The following FBN2 variants were observed in gnomAD, a reference collection of about 807,000 sequenced individuals.
The protein encoded by FBN2 is fibrillin 2.
Under a neutral mutation model 355.6 loss-of-function variants are expected in FBN2, and 105 were observed. That is an observed-to-expected ratio of 0.30 (90% CI 0.25 to 0.35). The LOEUF is 0.35. Ranked by LOEUF, FBN2 falls within the 10% of genes least tolerant of loss-of-function variation. The probability of loss-of-function intolerance (pLI) is 1.00; values close to 1 mark genes in which losing one functional copy is unlikely to be tolerated. For missense variants in FBN2, 3,280 were observed against 3,758.7 expected, an observed-to-expected ratio of 0.87 and a Z score of 3.33; for synonymous variants, 1,350 against 1,301.2, an observed-to-expected ratio of 1.04 and a Z score of -0.81.
At chr5:128,276,922 C>T (rs995519491) in intron 58 of FBN2, among the ~76,000 whole-genome samples, 1 of 152,144 alleles carries the variant, frequency 6.6e-6, no homozygotes, top group African/African-American at 2.4e-5. Flanking sequence ...TTTTGTTAGA[C>T]CCTCCTTGAA....
intron 34 of FBN2, among the ~76,000 whole-genome samples, chr5:128,320,088 C>T (rs1750327891): frequency 6.6e-6 from 1 of 152,018 alleles, no homozygotes; most frequent in Non-Finnish European, 1.5e-5. Context: ...GCAAAGGTGT[C>T]TTTTATTGTG....
chr5:128,433,261 T>C (rs1483206308), intron 7 of FBN2, among the ~76,000 whole-genome samples: 2 of 152,194 alleles, frequency 1.3e-5, no homozygotes, highest in South Asian at 2.1e-4. Context: ...GAAACCACTT[T>C]CTAAAAGAAG....
At chr5:128,493,894 T>C (rs1367143586) in intron 5 of FBN2, among the ~76,000 whole-genome samples, 1 of 152,138 alleles carries the variant, frequency 6.6e-6, no homozygotes, top group African/African-American at 2.4e-5. Flanking sequence ...GGTTTTTAGC[T>C]TGGATAACTG....
intron 23 of FBN2, among the ~76,000 whole-genome samples, chr5:128,347,636 C>T (rs1381373009): frequency 2.6e-5 from 4 of 152,310 alleles, no homozygotes; most frequent in African/African-American, 9.6e-5. Flanking sequence ...GAATACTTTA[C>T]ATTTTCATGT....
intron 45 of FBN2, among the ~76,000 whole-genome samples, chr5:128,303,945 G>A (rs1749790758): frequency 6.6e-6 from 1 of 152,088 alleles, no homozygotes; most frequent in Non-Finnish European, 1.5e-5. Flanking sequence ...ATATTCCTTT[G>A]TATAAACATC....
chr5:128,440,150 A>C (rs1232748222), intron 7 of FBN2, among the ~76,000 whole-genome samples: 6 of 152,186 alleles, frequency 3.9e-5, no homozygotes, highest in African/African-American at 1.4e-4. Flanking sequence ...TAGTATCTAA[A>C]ATGTCCTGTT....
At chr5:128,528,349 T>C (rs1756619990) in intron 3 of FBN2, among the ~76,000 whole-genome samples, 1 of 152,148 alleles carries the variant, frequency 6.6e-6, no homozygotes. Flanking sequence ...CTCACAGAGC[T>C]TGAATTCCGA....
chr5:128,324,708 C>G (rs549900385), intron 34 of FBN2, among the ~76,000 whole-genome samples: 1 of 151,526 alleles, frequency 6.6e-6, no homozygotes, highest in East Asian at 1.9e-4. Flanking sequence ...AGCTCTGCCT[C>G]CCGGGTTCAC....
chr5:128,445,818 C>T (rs1754049947), intron 7 of FBN2, among the ~76,000 whole-genome samples: 1 of 152,058 alleles, frequency 6.6e-6, no homozygotes, highest in African/African-American at 2.4e-5. Context: ...AAAAATGATA[C>T]AGGTTTTGAT....
At chr5:128,277,416 A>G (rs1765422582) in intron 58 of FBN2, among the ~76,000 whole-genome samples, 1 of 152,230 alleles carries the variant, frequency 6.6e-6, no homozygotes, top group Non-Finnish European at 1.5e-5. Flanking sequence ...TACTTTATGC[A>G]AAATAATAGC....
At chr5:128,432,088 C>A (rs1753640859) in intron 7 of FBN2, among the ~76,000 whole-genome samples, 1 of 152,152 alleles carries the variant, frequency 6.6e-6, no homozygotes, top group South Asian at 2.1e-4. Context: ...ACCTCCATAC[C>A]TATTGAAATA....
In FBN2 at chr5:128,335,541, T is replaced by C. The variant is rs1750812827; in HGVS notation, c.3761A>G (p.Asp1254Gly). Residue 1254 changes from aspartate to glycine, a missense_variant, in exon 29 of 65, where the codon GAC (aspartate) becomes GGC (glycine). Physicochemically the swap from Asp to Gly is moderately conservative, Grantham distance 94. Around this residue, in one of 6 missense-constraint regions of FBN2, gnomAD observed 2,284 missense variants for 2,749.5 expected, o/e 0.83. Transcript: ENST00000262464. The stretch of plus-strand genomic sequence containing the variant: ...TCCCTCTGAATTTGTGCACTGGGTG[T>C]CACAGCCTCCGTTCATTATCATACA... ...DECMIMNGGC[D>G]TQCTNSEGSY... 1.2e-6 allele frequency: 2 copies of C among 1,614,080 alleles called. No individual in the cohort carries two copies. Among genetic ancestry groups the C allele is most frequent in the Non-Finnish European group, 1.7e-6 (2 of 1,179,908 alleles).
At chr5:128,476,334 G>A (rs1755005281) in intron 5 of FBN2, among the ~76,000 whole-genome samples, 2 of 152,024 alleles carry the variant, frequency 1.3e-5, no homozygotes, top group African/African-American at 4.8e-5. Context: ...ATCAAACAAT[G>A]AAGTCATCAA....
chr5:128,448,264 T>C (rs1372344665), intron 6 of FBN2, among the ~76,000 whole-genome samples: 1 of 152,144 alleles, frequency 6.6e-6, no homozygotes, highest in Non-Finnish European at 1.5e-5. Flanking sequence ...CATTTCTTCT[T>C]TCCTGCCAAT....
chr5:128,523,413 A>G (rs1244876421), intron 4 of FBN2, among the ~76,000 whole-genome samples: 2 of 151,976 alleles, frequency 1.3e-5, no homozygotes, highest in Admixed American at 1.3e-4. Flanking sequence ...CCCATCTCAC[A>G]ATGTTGGGCT....
chr5:128,366,429 A>G lies in FBN2; in HGVS notation c.2250T>C (p.Ala750=). Residue 750 remains alanine (A), a splice_region_variant and synonymous_variant, in exon 17 of 65, where the codon GCT becomes GCC. Coordinates refer to ENST00000262464, the MANE Select transcript of FBN2 (RefSeq NM_001999.4). Reference sequence around the variant, plus strand: ...CACTACTACAAAGGCCGTGGAATTCAGCTGTATGACAAAAAGAAATAGAAG... The same window carrying G: ...CACTACTACAAAGGCCGTGGAATTCGGCTGTATGACAAAAAGAAATAGAAG... ...PCQPCPAKNS[A]EFHGLCSSGV... is the part of the protein sequence containing the mutation. The G allele has an allele frequency of 6.3e-7, 1 of 1,599,894 alleles. No homozygotes were observed. Among genetic ancestry groups the G allele is most frequent in the Non-Finnish European group, 8.6e-7 (1 of 1,168,604 alleles).
intron 14 of FBN2, among the ~76,000 whole-genome samples, chr5:128,375,580 T>C (rs1247595860): frequency 6.6e-6 from 1 of 152,168 alleles, no homozygotes; most frequent in Non-Finnish European, 1.5e-5. Context: ...AAGAATTCAG[T>C]CTCAATTTTT....
intron 7 of FBN2, among the ~76,000 whole-genome samples, chr5:128,423,802 G>A (rs1233294665): frequency 6.6e-6 from 1 of 152,128 alleles, no homozygotes; most frequent in Non-Finnish European, 1.5e-5. Context: ...GTGGAGAAAG[G>A]ATTGCAGTGG....
chr5:128,322,857 T>C (rs1750422189), intron 34 of FBN2, among the ~76,000 whole-genome samples: 1 of 152,226 alleles, frequency 6.6e-6, no homozygotes, highest in African/African-American at 2.4e-5. Context: ...TAAATTACTT[T>C]GGGCAGTTGG....
Sources: allele counts gnomAD v4.1 joint callset (sites outside exome capture counted in the v4.1 genomes callset), GRCh38; gene constraint gnomAD v4.1.1; regional missense constraint gnomAD v4.1.1; transcripts MANE v1.5; gene names NCBI Gene and HGNC (gene_info 2026-07-23, HGNC 2026-07-21).